STEAP4: variants seen among roughly 807,000 people sequenced by gnomAD.
STEAP4 encodes metalloreductase STEAP4.
STEAP4 carries 36 observed loss-of-function variants against 43.6 expected under a neutral mutation model. That is an observed-to-expected ratio of 0.83 (90% CI 0.63 to 1.09). The LOEUF is 1.09. Ranked by LOEUF, STEAP4 falls within the 50% of genes least tolerant of loss-of-function variation. STEAP4 has a pLI of 0.00. For synonymous variants in STEAP4, 191 were observed against 196.7 expected (o/e 0.97, Z 0.24); for missense variants, 495 against 546.5 (o/e 0.91, Z 0.94).
intron 1 of STEAP4, among the ~76,000 whole-genome samples, chr7:88,298,946 A>G (rs1852980105): frequency 6.6e-6 from 1 of 152,324 alleles, no homozygotes; most frequent in South Asian, 2.1e-4. Flanking sequence ...GCACAGTTTC[A>G]TCAAGTCACA....
intron 1 of STEAP4, chr7:88,292,321 T>TA (rs1367442338): frequency 3.3e-5 from 5 of 152,262 alleles, no homozygotes; most frequent in African/African-American, 1.2e-4. Context: ...GTAAGAGGTC[T>TA]GAGAGGCTCA....
At chr7:88,287,824 T>C (rs1852762162) in intron 1 of STEAP4, among the ~76,000 whole-genome samples, 1 of 152,212 alleles carries the variant, frequency 6.6e-6, no homozygotes, top group Admixed American at 6.5e-5. Context: ...TCTAATCCTG[T>C]AGTTAATCTG....
At chr7:88,287,010 G>A (rs1274893650) in intron 1 of STEAP4, among the ~76,000 whole-genome samples, 1 of 152,068 alleles carries the variant, frequency 6.6e-6, no homozygotes, top group Non-Finnish European at 1.5e-5. Context: ...TTGTGATAGG[G>A]CTACAGACAG....
At chr7:88,281,149 T>A (rs1474419341) in intron 3 of STEAP4, 70 bp from the exon 4 acceptor site, 1 of 1,255,170 alleles carries the variant, frequency 8.0e-7, no homozygotes, top group African/African-American at 1.6e-5. Flanking sequence ...GCCCACACTT[T>A]GACAGTGGGC....
intron 1 of STEAP4, among the ~76,000 whole-genome samples, chr7:88,284,540 G>A (rs1852691629): frequency 1.3e-5 from 2 of 151,864 alleles, no homozygotes; most frequent in South Asian, 4.2e-4. Context: ...AAGGATACAG[G>A]GCAAAATCTG....
intron 1 of STEAP4, among the ~76,000 whole-genome samples, chr7:88,298,077 G>C (rs10263111): frequency 0.47 from 72,063 of 151,778 alleles, 17,710 homozygotes; most frequent in East Asian, 0.83. Flanking sequence ...TGAGTGCATA[G>C]TGCTATCGTG....
At position 88,271,880 on chromosome 7, in the gene STEAP4, G is replaced by T. The variant is rs1407533183; in HGVS notation, c.*7518C>A. 2 of 152,144 alleles carry T rather than the reference G, an allele frequency of 1.3e-5. No individual in the cohort carries two copies. Among genetic ancestry groups the T allele is most frequent in the Non-Finnish European group, 2.9e-5 (2 of 68,038 alleles). The allele number at this position is 152,144 out of a possible 1,614,324, so 9.4% of individuals were successfully genotyped here. On this transcript the variant is annotated 3_prime_UTR_variant, in exon 5 of 5. Transcript: ENST00000380079. The stretch of plus-strand genomic sequence containing the variant: ...TTTGCCCATCTACTAGGTGAGAAAT[G>T]GTATTGATACAGTTACAATTTTCAT...
At chr7:88,306,173 T>C (rs539936255) in intron 1 of STEAP4, among the ~76,000 whole-genome samples, 2 of 152,198 alleles carry the variant, frequency 1.3e-5, no homozygotes, top group Non-Finnish European at 2.9e-5. Context: ...CCAGCCTCAG[T>C]ACACCAATCT....
At chr7:88,292,452 A>T (rs1852850923) in intron 1 of STEAP4, 1 of 152,156 alleles carries the variant, frequency 6.6e-6, no homozygotes. Context: ...TAAAAAAATA[A>T]ATCAATCAAA....
rs927129851 is a variant in STEAP4, at chr7:88,277,740, G to T, written c.*1658C>A. The T allele has an allele frequency of 1.3e-5, 2 of 152,126 alleles. No homozygotes were observed. Among genetic ancestry groups the T allele is most frequent in the Non-Finnish European group, 2.9e-5 (2 of 68,052 alleles). 9.4% of individuals were successfully genotyped at this position (152,126 alleles called of 1,614,324 possible). On this transcript the variant is annotated 3_prime_UTR_variant, in exon 5 of 5. Transcript: ENST00000380079. The stretch of plus-strand genomic sequence containing the variant: ...CTGGGCATAGTGGCACATGCCTGTA[G>T]TCCCAGCTACTCGGGAGGCTGATGA...
In STEAP4 at chr7:88,271,778, G is replaced by C. The variant is rs953196409; in HGVS notation, c.*7620C>G. 1 of 152,186 alleles carries C rather than the reference G, an allele frequency of 6.6e-6. No homozygotes were observed. The highest frequency in any genetic ancestry group is 1.5e-5 in the Non-Finnish European group (1 of 68,042). The allele number at this position is 152,186 out of a possible 1,614,324, so 9.4% of individuals were successfully genotyped here. A position where few individuals can be genotyped will look rare whatever the true frequency, so the allele number is the denominator to read the frequency against. On this transcript the variant is annotated 3_prime_UTR_variant, in exon 5 of 5. Coordinates refer to ENST00000380079, the MANE Select transcript of STEAP4 (RefSeq NM_024636.4). ...CTCTCCACAGGAGCGGTCCTAATCT[G>C]CATATCCAAGAGCAATGTATGTGAA...
At chr7:88,305,748 C>T (rs1853118813) in intron 1 of STEAP4, among the ~76,000 whole-genome samples, 1 of 152,082 alleles carries the variant, frequency 6.6e-6, no homozygotes, top group Non-Finnish European at 1.5e-5. Context: ...GTATTTCAAA[C>T]TTGCAGGCAT....
At chr7:88,291,990 A>C (rs992348494) in intron 1 of STEAP4, among the ~76,000 whole-genome samples, 1 of 152,224 alleles carries the variant, frequency 6.6e-6, no homozygotes, top group Non-Finnish European at 1.5e-5. Context: ...GGGTGTTTAC[A>C]TAGATTAGGA....
At position 88,279,126 on chromosome 7, in the gene STEAP4, A is replaced by G; in HGVS notation, c.*272T>C. 2.3e-6 allele frequency: 1 copy of G among 438,666 alleles called. No homozygotes were observed. The highest frequency in any genetic ancestry group is 4.2e-6 in the Non-Finnish European group (1 of 239,882). The allele number at this position is 438,666 out of a possible 1,614,324, so 27.2% of individuals were successfully genotyped here. On this transcript the variant is annotated 3_prime_UTR_variant, in exon 5 of 5. Transcript: ENST00000380079. Reference sequence around the variant, plus strand: ...AGGAAACTCTTTAGTGTGAAACCACAAGGCTAGTCTCAATCTCAGCTCCAT... The same window carrying G: ...AGGAAACTCTTTAGTGTGAAACCACGAGGCTAGTCTCAATCTCAGCTCCAT...
intron 1 of STEAP4, among the ~76,000 whole-genome samples, chr7:88,296,692 A>G (rs1852929755): frequency 1.3e-5 from 2 of 151,992 alleles, no homozygotes; most frequent in Admixed American, 6.6e-5. Flanking sequence ...GACAATTAGA[A>G]AGCAAAAAAT....
rs1229888933 is a variant in STEAP4, at chr7:88,303,201, A to AC, written c.-3+3590_-3+3591insG. Among the ~76,000 whole-genome samples the AC allele has an allele frequency of 1.5e-3, 216 of 145,528 alleles. 2 individuals carry two copies. Among genetic ancestry groups the AC allele is most frequent in the African/African-American group, 5.0e-3 (201 of 40,496 alleles). ...ATCTGCATTAAAAAAAAAAAAAAAA[A>AC]AAAAAAAACTCCAACCGGGCGCGGT... is the stretch of plus-strand genomic sequence containing the variant. On this transcript the variant is annotated intron_variant, in intron 1 of 4. Coordinates refer to ENST00000380079, the MANE Select transcript of STEAP4 (RefSeq NM_024636.4).
intron 1 of STEAP4, among the ~76,000 whole-genome samples, chr7:88,302,264 T>C (rs974701314): frequency 1.3e-5 from 2 of 152,190 alleles, no homozygotes; most frequent in Non-Finnish European, 2.9e-5. Flanking sequence ...ATAGCCACAC[T>C]AAGAGGGATA....
intron 1 of STEAP4, among the ~76,000 whole-genome samples, chr7:88,302,604 G>A (rs1853054337): frequency 6.6e-6 from 1 of 152,086 alleles, no homozygotes. Flanking sequence ...CCACAGTGCT[G>A]GTGCCATCAG....
At chr7:88,281,171 G>A in intron 3 of STEAP4, 92 bp from the exon 4 acceptor site, 1 of 1,012,994 alleles carries the variant, frequency 9.9e-7, no homozygotes, top group East Asian at 3.1e-5. Context: ...CAAATTATTT[G>A]CTCAAAGCAA....
Sources: allele counts gnomAD v4.1 joint callset (sites outside exome capture counted in the v4.1 genomes callset), GRCh38; gene constraint gnomAD v4.1.1; transcripts MANE v1.5; gene names NCBI Gene and HGNC (gene_info 2026-07-23, HGNC 2026-07-21).